DERA: variants seen among roughly 807,000 people sequenced by gnomAD.
DERA encodes deoxyribose-phosphate aldolase.
In DERA, 15 loss-of-function variants were observed where a neutral mutation model predicts 41.1. That is an observed-to-expected ratio of 0.37 (90% CI 0.24 to 0.56). The LOEUF is 0.56. Among genes scored for constraint, DERA ranks in the 20% least tolerant of loss-of-function variants. The pLI is 0.81. For synonymous variants in DERA, 139 were observed against 137.4 expected (o/e 1.01, Z -0.08); for missense variants, 396 against 403.4 (o/e 0.98, Z 0.16).
rs1037739772 is a variant in DERA, at chr12:16,003,331, T to C, written c.637+20895T>C. Among the ~76,000 whole-genome samples the C allele has an allele frequency of 6.6e-6, 1 of 152,208 alleles. No individual in the cohort carries two copies. The highest frequency in any genetic ancestry group is 1.5e-5 in the Non-Finnish European group (1 of 68,038). ...TGCGACCTCATATTGACTAATTATA[T>C]CTGCAAGCACCCAGGTTCCAAATAA... is the stretch of plus-strand genomic sequence containing the variant. On this transcript the variant is annotated intron_variant, in intron 6 of 8. Transcript: ENST00000428559. The surrounding 1 kb of genome is among the most constrained non-coding windows in gnomAD (Gnocchi z 4.8).
In DERA at chr12:15,956,999, TC is replaced by T; in HGVS notation, c.97del (p.Gln33ArgfsTer6). ...HPAVLRRAEQ[I>X]QARRTVKKEW... The stretch of plus-strand genomic sequence containing the variant: ...GCAGTTCTGAGGCGTGCGGAACAAA[TC>T]CAGGCTCGCAGAACCGTGAAAAAGG... On this transcript the variant is annotated frameshift_variant, in exon 2 of 9. Transcript: ENST00000428559. LOFTEE classifies it high-confidence loss of function. 1.2e-6 allele frequency: 2 copies of T among 1,613,874 alleles called. No homozygotes were observed. The highest frequency in any genetic ancestry group is 1.7e-6 in the Non-Finnish European group (2 of 1,179,824).
chr12:15,995,639 A>G lies in DERA; in HGVS notation c.637+13203A>G, dbSNP rs1193609894. Among the ~76,000 whole-genome samples, 1 of 152,178 alleles carries G rather than the reference A, an allele frequency of 6.6e-6. No homozygotes were observed. Among genetic ancestry groups the G allele is most frequent in the African/African-American group, 2.4e-5 (1 of 41,440 alleles). ...TAGGAGAGATGTTAAAGCTGAAGGC[A>G]GTCTGAAAATGAAGGAATAGAGTAG... On this transcript the variant is annotated intron_variant, in intron 6 of 8. Transcript: ENST00000428559. This position sits in a 1 kb window ranked among gnomAD's most constrained non-coding sequence, Gnocchi z 5.1.
rs1025131386 is a variant in DERA at position 16,000,599 on chromosome 12, G to A, written c.637+18163G>A. ...TGAAAGTAAGTTTCCTATGTTACGC[G>A]GCTGCTAAATTGGCCAGGGACAACG... is the stretch of plus-strand genomic sequence containing the variant. On this transcript the variant is annotated intron_variant, in intron 6 of 8. Coordinates refer to ENST00000428559, the MANE Select transcript of DERA (RefSeq NM_015954.4). The surrounding 1 kb of genome is among the most constrained non-coding windows in gnomAD (Gnocchi z 4.8). Among the ~76,000 whole-genome samples, 2 of 152,148 alleles carry A rather than the reference G, an allele frequency of 1.3e-5. No individual in the cohort carries two copies. The highest frequency in any genetic ancestry group is 6.5e-5 in the Admixed American group (1 of 15,276).
rs1324586238 is a variant in DERA, at chr12:16,011,583, A to T, written c.638-20959A>T. Among the ~76,000 whole-genome samples the T allele has an allele frequency of 1.3e-5, 2 of 152,188 alleles. No homozygotes were observed. Among genetic ancestry groups the T allele is most frequent in the East Asian group, 3.8e-4 (2 of 5,200 alleles). ...CCTTCCCTCTCAGCAAAAGTAAAAG[A>T]AAAGAGAATGTGTTAGATACGATTT... is the stretch of plus-strand genomic sequence containing the variant. On this transcript the variant is annotated intron_variant, in intron 6 of 8. Coordinates refer to ENST00000428559, the MANE Select transcript of DERA (RefSeq NM_015954.4). The surrounding 1 kb of genome is among the most constrained non-coding windows in gnomAD (Gnocchi z 4.7).
In DERA at chr12:16,020,044, C is replaced by T. The variant is rs374913198; in HGVS notation, c.638-12498C>T. 6.6e-6 allele frequency among the ~76,000 whole-genome samples: 1 copy of T among 152,204 alleles called. No homozygotes were observed. The highest frequency in any genetic ancestry group is 1.5e-5 in the Non-Finnish European group (1 of 68,026). ...ACTCTCGCCATCTGACATGCCTGCT[C>T]TCTTTGCTTTCTGCTGTGATTGTAA... On this transcript the variant is annotated intron_variant, in intron 6 of 8. Coordinates refer to ENST00000428559, the MANE Select transcript of DERA (RefSeq NM_015954.4). This position sits in a 1 kb window ranked among gnomAD's most constrained non-coding sequence, Gnocchi z 5.5.
chr12:15,940,980 A>G lies in DERA; in HGVS notation c.32-15956A>G, dbSNP rs529296382. On this transcript the variant is annotated intron_variant, in intron 1 of 8. Coordinates refer to ENST00000428559, the MANE Select transcript of DERA (RefSeq NM_015954.4). The surrounding 1 kb of genome is among the most constrained non-coding windows in gnomAD (Gnocchi z 5.1). ...TGCAGATAATCAACTTTCCTGAGAA[A>G]TGGGAATTGAGAGTAAAATTTTTTA... Among the ~76,000 whole-genome samples, 10 of 152,366 alleles carry G rather than the reference A, an allele frequency of 6.6e-5. No individual in the cohort carries two copies. The highest frequency in any genetic ancestry group is 2.2e-4 in the African/African-American group (9 of 41,592).
At chr12:15,978,808 A>T (rs1948715195) in intron 5 of DERA, among the ~76,000 whole-genome samples, 1 of 152,202 alleles carries the variant, frequency 6.6e-6, no homozygotes, top group African/African-American at 2.4e-5. Flanking sequence ...AATAACAGGA[A>T]CACCATCACT....
At chr12:15,986,815 T>C (rs1948767159) in intron 6 of DERA, among the ~76,000 whole-genome samples, 1 of 152,210 alleles carries the variant, frequency 6.6e-6, no homozygotes, top group Admixed American at 6.5e-5. Flanking sequence ...TTCCATCTTG[T>C]ATAATTCAGT....
At position 15,915,061 on chromosome 12, in the gene DERA, G is replaced by A. The variant is rs1477693576; in HGVS notation, c.31+3647G>A. Among the ~76,000 whole-genome samples the A allele has an allele frequency of 6.6e-6, 1 of 152,210 alleles. No individual in the cohort carries two copies. Among genetic ancestry groups the A allele is most frequent in the Non-Finnish European group, 1.5e-5 (1 of 68,042 alleles). On this transcript the variant is annotated intron_variant, in intron 1 of 8. Transcript: ENST00000428559. This position sits in a 1 kb window ranked among gnomAD's most constrained non-coding sequence, Gnocchi z 4.8. ...ATTGAGTACCAATCTGTACTGGGTA[G>A]TATTACCCTAGGCTGGGGGTACAAG... is the stretch of plus-strand genomic sequence containing the variant.
chr12:15,957,644 G>T lies in DERA; in HGVS notation c.130-544G>T, dbSNP rs1360189934. ...CCTTGAGAGTGATAGTTCACGTTTTGCTCATCCTTAGAAATATTCTGGTTG... is the reference window on the plus strand; with the variant it reads ...CCTTGAGAGTGATAGTTCACGTTTTTCTCATCCTTAGAAATATTCTGGTTG... On this transcript the variant is annotated intron_variant, in intron 2 of 8. Transcript: ENST00000428559. This position sits in a 1 kb window ranked among gnomAD's most constrained non-coding sequence, Gnocchi z 4.8. Among the ~76,000 whole-genome samples, 1 of 152,108 alleles carries T rather than the reference G, an allele frequency of 6.6e-6. No individual in the cohort carries two copies. The highest frequency in any genetic ancestry group is 1.5e-5 in the Non-Finnish European group (1 of 68,028).
In DERA at chr12:15,911,507, G is replaced by A; in HGVS notation, c.31+93G>A. On this transcript the variant is annotated intron_variant, in intron 1 of 8. Transcript: ENST00000428559. The surrounding 1 kb of genome is among the most constrained non-coding windows in gnomAD (Gnocchi z 4.5). Reference sequence around the variant, plus strand: ...CCTGCTGCCGCCCAGTGCCCTGGCTGTGGGTCCCCGAGGGGTTTTCGCTGG... The same window carrying A: ...CCTGCTGCCGCCCAGTGCCCTGGCTATGGGTCCCCGAGGGGTTTTCGCTGG... 1.6e-6 allele frequency: 2 copies of A among 1,264,920 alleles called. No homozygotes were observed. The highest frequency in any genetic ancestry group is 5.3e-5 in the East Asian group (2 of 38,036). 78.4% of individuals were successfully genotyped at this position (1,264,920 alleles called of 1,614,324 possible).
At chr12:16,007,944 G>T (rs1948923820) in intron 6 of DERA, among the ~76,000 whole-genome samples, 1 of 152,196 alleles carries the variant, frequency 6.6e-6, no homozygotes, top group South Asian at 2.1e-4. Flanking sequence ...TCAGCCTGCT[G>T]TGTTCAAGCG....
At chr12:16,022,756 G>A (rs1333497431) in intron 6 of DERA, among the ~76,000 whole-genome samples, 3 of 152,182 alleles carry the variant, frequency 2.0e-5, no homozygotes, top group Non-Finnish European at 2.9e-5. Context: ...CTTACCTGGA[G>A]CAGAAGCTAC....
At chr12:16,023,271 G>T (rs1949028249) in intron 6 of DERA, among the ~76,000 whole-genome samples, 1 of 152,092 alleles carries the variant, frequency 6.6e-6, no homozygotes, top group Non-Finnish European at 1.5e-5. Context: ...ATAAAGAGGG[G>T]AGATAAAAAC....
chr12:15,950,748 A>C (rs1948491443), intron 1 of DERA, among the ~76,000 whole-genome samples: 1 of 152,026 alleles, frequency 6.6e-6, no homozygotes. Context: ...CCATTTTCTT[A>C]CCCTATATAA....
chr12:15,991,058 AT>A (rs1411263154), intron 6 of DERA, among the ~76,000 whole-genome samples: 1 of 152,096 alleles, frequency 6.6e-6, no homozygotes, highest in Non-Finnish European at 1.5e-5. Context: ...GGCTGAACTA[AT>A]TTACACTCCC....
intron 1 of DERA, among the ~76,000 whole-genome samples, chr12:15,951,010 G>A (rs1948493925): frequency 6.6e-6 from 1 of 152,200 alleles, no homozygotes. Context: ...CTTGTATCTT[G>A]TGTAAGTCTT....
intron 1 of DERA, among the ~76,000 whole-genome samples, chr12:15,916,632 G>A (rs1948202165): frequency 6.6e-6 from 1 of 151,928 alleles, no homozygotes; most frequent in Non-Finnish European, 1.5e-5. Context: ...TGTATTTTTA[G>A]TAGAGATGGG....
chr12:15,967,198 A>G lies in DERA; in HGVS notation c.508+4251A>G, dbSNP rs555602785. On this transcript the variant is annotated intron_variant, in intron 5 of 8. Coordinates refer to ENST00000428559, the MANE Select transcript of DERA (RefSeq NM_015954.4). The surrounding 1 kb of genome is among the most constrained non-coding windows in gnomAD (Gnocchi z 4.9). ...AACCCCATCTCTGCATAAAAAAAAA[A>G]AAATGCAAAAATTAGCCTGGTGTTG... 6.6e-6 allele frequency among the ~76,000 whole-genome samples: 1 copy of G among 152,232 alleles called. No individual in the cohort carries two copies. The highest frequency in any genetic ancestry group is 1.5e-5 in the Non-Finnish European group (1 of 68,008).
Sources: gnomAD v4.1 joint callset for allele counts (sites outside exome capture counted in the v4.1 genomes callset) on GRCh38, gnomAD v4.1.1 for gene constraint, Gnocchi (gnomAD v3.1) non-coding constraint, MANE v1.5 for transcripts, NCBI Gene and HGNC (gene_info 2026-07-23, HGNC 2026-07-21) for gene names.